Variants in DAB1 observed in about 807,000 individuals in gnomAD.
DAB1 encodes DAB adaptor protein 1, also known as disabled homolog 1.
Under a neutral mutation model 64.6 loss-of-function variants are expected in DAB1, and 15 were observed. The ratio of observed to expected loss-of-function variants is 0.23; its 90% CI spans 0.16 to 0.36. The LOEUF is 0.36. DAB1 is among the 10% of genes least tolerant of loss of function. The pLI, the probability that DAB1 is intolerant of heterozygous loss-of-function variation, is 1.00. For synonymous variants in DAB1, 235 were observed against 251.9 expected (o/e 0.93, Z 0.64); for missense variants, 596 against 706.7 (o/e 0.84, Z 1.78).
At chr1:58,357,928 T>A (rs560545837) in intron 3 of DAB1, among the ~76,000 whole-genome samples, 1 of 152,264 alleles carries the variant, frequency 6.6e-6, no homozygotes, top group South Asian at 2.1e-4. Context: ...ATGAGACCAA[T>A]TAGGTGTCAG....
intron 10 of DAB1, 56 bp from the exon 11 acceptor site, chr1:57,023,695 G>T: frequency 1.7e-6 from 2 of 1,169,102 alleles, no homozygotes; most frequent in Non-Finnish European, 2.5e-6. Flanking sequence ...AGTCATCAAG[G>T]CTGGGAGGTA....
intron 5 of DAB1, among the ~76,000 whole-genome samples, chr1:57,924,019 C>G (rs1166258525): frequency 6.6e-6 from 1 of 152,214 alleles, no homozygotes; most frequent in African/African-American, 2.4e-5. Context: ...GCCCACCTTA[C>G]AGGTTCAAAA....
At chr1:57,927,050 A>G (rs1299532950) in intron 5 of DAB1, among the ~76,000 whole-genome samples, 6 of 152,204 alleles carry the variant, frequency 3.9e-5, no homozygotes, top group Admixed American at 3.9e-4. Context: ...TAGTTCTGCA[A>G]CTATAGGCAA....
chr1:57,115,436 C>T (rs1656025920), intron 4 of DAB1, among the ~76,000 whole-genome samples: 2 of 152,234 alleles, frequency 1.3e-5, no homozygotes, highest in Middle Eastern at 3.4e-3. Context: ...TAGAACAGCC[C>T]AGTCTGAAAG....
intron 4 of DAB1, among the ~76,000 whole-genome samples, chr1:58,342,421 C>A (rs543185434): frequency 1.3e-5 from 2 of 152,296 alleles, no homozygotes; most frequent in South Asian, 4.1e-4. Flanking sequence ...CTGCAGTGAT[C>A]AGCAACATCC....
At chr1:57,429,998 G>C (rs1334895543) in intron 7 of DAB1, among the ~76,000 whole-genome samples, 1 of 151,980 alleles carries the variant, frequency 6.6e-6, no homozygotes. Flanking sequence ...ATACATTCTA[G>C]GATTTTTTTT....
At chr1:57,620,094 C>T (rs1301553729) in intron 7 of DAB1, among the ~76,000 whole-genome samples, 1 of 152,112 alleles carries the variant, frequency 6.6e-6, no homozygotes, top group African/African-American at 2.4e-5. Context: ...TCATTCCCTC[C>T]AGAGCAGGCT....
intron 4 of DAB1, among the ~76,000 whole-genome samples, chr1:58,244,527 G>C (rs992047416): frequency 3.3e-5 from 5 of 152,184 alleles, no homozygotes; most frequent in East Asian, 1.9e-4. Flanking sequence ...AAAAGCTTTT[G>C]CAAGTTCAAG....
chr1:57,977,231 T>C (rs992317275), intron 5 of DAB1, among the ~76,000 whole-genome samples: 24 of 152,162 alleles, frequency 1.6e-4, no homozygotes, highest in African/African-American at 4.8e-4. Flanking sequence ...TCAAGAGAGA[T>C]CTATAGAGAA....
chr1:57,984,031 A>G (rs1646131694), intron 5 of DAB1, among the ~76,000 whole-genome samples: 1 of 152,050 alleles, frequency 6.6e-6, no homozygotes, highest in Admixed American at 6.6e-5. Context: ...CAACATCTCA[A>G]GAGTAAAATA....
chr1:57,546,430 G>A (rs1378219010), intron 7 of DAB1, among the ~76,000 whole-genome samples: 2 of 152,164 alleles, frequency 1.3e-5, no homozygotes, highest in Admixed American at 6.5e-5. Flanking sequence ...TAAGACCACA[G>A]GCTCTGAAGC....
At chr1:57,792,902 C>T in intron 6 of DAB1, among the ~76,000 whole-genome samples, 1 of 152,190 alleles carries the variant, frequency 6.6e-6, no homozygotes, top group South Asian at 2.1e-4. Context: ...TGTATTTGAA[C>T]CATTAACCCT....
intron 3 of DAB1, among the ~76,000 whole-genome samples, chr1:58,388,410 G>C (rs1309018066): frequency 6.6e-6 from 1 of 152,200 alleles, no homozygotes; most frequent in African/African-American, 2.4e-5. Context: ...GATAGAAAGA[G>C]ACAGACTCCA....
chr1:57,450,595 A>G (rs896386454), intron 7 of DAB1, among the ~76,000 whole-genome samples: 2 of 152,208 alleles, frequency 1.3e-5, no homozygotes, highest in African/African-American at 2.4e-5. Flanking sequence ...CAGGCTATAC[A>G]AATGTAAGGT....
At chr1:57,761,955 C>T (rs1030085930) in intron 6 of DAB1, among the ~76,000 whole-genome samples, 8 of 152,170 alleles carry the variant, frequency 5.3e-5, no homozygotes, top group African/African-American at 1.9e-4. Context: ...AGAGTGATTT[C>T]TGTACCCACC....
At chr1:57,732,006 A>C (rs896507095) in intron 6 of DAB1, among the ~76,000 whole-genome samples, 4 of 152,116 alleles carry the variant, frequency 2.6e-5, no homozygotes, top group Non-Finnish European at 4.4e-5. Context: ...GTGATTTTTA[A>C]GATAAGGGTA....
At chr1:58,127,767 T>C (rs1320264996) in intron 5 of DAB1, among the ~76,000 whole-genome samples, 3 of 151,510 alleles carry the variant, frequency 2.0e-5, no homozygotes, top group Non-Finnish European at 3.0e-5. Context: ...ATCACATAGT[T>C]GTAGATATGC....
chr1:57,898,503 C>T (rs1342833642), intron 5 of DAB1, among the ~76,000 whole-genome samples: 1 of 152,062 alleles, frequency 6.6e-6, no homozygotes, highest in Non-Finnish European at 1.5e-5. Flanking sequence ...GTAAGAAATA[C>T]CATGTACACA....
At chr1:57,290,930 G>A in intron 2 of DAB1, 34 bp downstream of exon 2, 1 of 1,454,140 alleles carries the variant, frequency 6.9e-7, no homozygotes. Flanking sequence ...GTGCAGAAAA[G>A]TAGCCATTAA....
Sources: allele counts gnomAD v4.1 joint callset (sites outside exome capture counted in the v4.1 genomes callset), GRCh38; gene constraint gnomAD v4.1.1; transcripts MANE v1.5; gene names NCBI Gene and HGNC (gene_info 2026-07-23, HGNC 2026-07-21).